The following COL4A4 variants were observed in gnomAD, a reference collection of about 807,000 sequenced individuals.
The protein encoded by COL4A4 is collagen alpha-4(IV) chain.
Under a neutral mutation model 192.9 loss-of-function variants are expected in COL4A4, and 105 were observed. The ratio of observed to expected loss-of-function variants is 0.54; its 90% CI spans 0.46 to 0.64. The LOEUF is 0.64. Among genes scored for constraint, COL4A4 ranks in the 30% least tolerant of loss-of-function variants. The pLI is 0.00. For synonymous variants in COL4A4, 762 were observed against 769.9 expected, an observed-to-expected ratio of 0.99 and a Z score of 0.17; for missense variants, 1,967 against 2,169.3, an observed-to-expected ratio of 0.91 and a Z score of 1.85.
chr2:227,055,853 C>T (rs1432229055), intron 30 of COL4A4, 92 bp downstream of exon 30: 1 of 1,165,408 alleles, frequency 8.6e-7, no homozygotes, highest in Non-Finnish European at 1.2e-6. Context: ...TAACAGTTAA[C>T]TCTTTTTGTG....
Position 227,152,997 on chromosome 2 carries a change from A to G in COL4A4, c.-101-5413T>C, listed in dbSNP as rs969601347. ...AATTGACTCACAGTTCCACATGGCT[A>G]GGGAGGCCTCACAATCATGATGGAA... On this transcript the variant is annotated intron_variant, in intron 1 of 47. Coordinates refer to ENST00000396625, the MANE Select transcript of COL4A4 (RefSeq NM_000092.5). Among the ~76,000 whole-genome samples the G allele has an allele frequency of 5.3e-5, 8 of 152,168 alleles. No homozygotes were observed. The South Asian group carries it at 1.7e-3, about 31-fold the overall frequency.
intron 19 of COL4A4, among the ~76,000 whole-genome samples, chr2:227,097,098 T>A (rs146649468): frequency 5.8e-4 from 89 of 152,302 alleles, no homozygotes; most frequent in African/African-American, 2.0e-3. Context: ...TAAGACCTGA[T>A]GTGGACTCAA....
intron 4 of COL4A4, among the ~76,000 whole-genome samples, chr2:227,130,544 C>T (rs977303838): frequency 6.6e-6 from 1 of 152,170 alleles, no homozygotes; most frequent in African/African-American, 2.4e-5. Flanking sequence ...TGTCTTGTGG[C>T]CCCCTCTTCC....
chr2:227,112,750 G>A (rs942261140), intron 8 of COL4A4, among the ~76,000 whole-genome samples: 1 of 152,076 alleles, frequency 6.6e-6, no homozygotes, highest in African/African-American at 2.4e-5. Flanking sequence ...GCAGCCACTG[G>A]CAACCACCCT....
chr2:227,082,034 T>G, intron 23 of COL4A4, 81 bp downstream of exon 23: 1 of 1,162,162 alleles, frequency 8.6e-7, no homozygotes, highest in South Asian at 1.2e-5. Context: ...TGATCTATGG[T>G]CACAGGGGAA....
Position 227,118,687 on chromosome 2 carries a change from C to G in COL4A4, c.447G>C (p.Gly149=). ...SGHNGSRGDP[G]FPGGRGALGP... is the part of the protein sequence containing the mutation. ...CAAGAGCTCCTCTTCCTCCTGGAAA[C>G]CCTGGGTCACCTCTTGAGCCATTGT... Residue 149 remains glycine (G), a synonymous_variant, in exon 7 of 48, where the codon GGG becomes GGC. Transcript: ENST00000396625. The G allele has an allele frequency of 6.2e-7, 1 of 1,614,110 alleles. No homozygotes were observed. Among genetic ancestry groups the G allele is most frequent in the Non-Finnish European group, 8.5e-7 (1 of 1,180,008 alleles).
intron 9 of COL4A4, among the ~76,000 whole-genome samples, chr2:227,110,556 T>A (rs2061136562): frequency 6.6e-6 from 1 of 152,024 alleles, no homozygotes. Context: ...CTAATTTTTG[T>A]ATTTTTAGTA....
intron 36 of COL4A4, 104 bp downstream of exon 36, chr2:227,042,973 G>T: frequency 1.2e-6 from 1 of 845,546 alleles, no homozygotes; most frequent in Non-Finnish European, 2.0e-6. Flanking sequence ...CTGGGAAATG[G>T]CAGAGCCATA....
intron 35 of COL4A4, among the ~76,000 whole-genome samples, chr2:227,047,112 C>A (rs922594212): frequency 2.0e-5 from 3 of 151,846 alleles, no homozygotes; most frequent in African/African-American, 7.3e-5. Context: ...GTGGTTATTG[C>A]GAATGCATCA....
At chr2:227,050,206 G>A in intron 33 of COL4A4, 75 bp from the exon 34 acceptor site, 2 of 1,353,096 alleles carry the variant, frequency 1.5e-6, no homozygotes, top group Non-Finnish European at 1.1e-6. Flanking sequence ...CGATCCAGTT[G>A]TAATTTTCTG....
chr2:226,983,192 AT>A, the COL4A4 span, among the ~76,000 whole-genome samples: 1 of 152,148 alleles, frequency 6.6e-6, no homozygotes, highest in South Asian at 2.1e-4. Context: ...AAAAATGCAC[AT>A]TTCTGGGTCC....
chr2:227,151,248 C>T (rs1286138252), intron 1 of COL4A4, among the ~76,000 whole-genome samples: 1 of 152,062 alleles, frequency 6.6e-6, no homozygotes, highest in Non-Finnish European at 1.5e-5. Context: ...ATGATTATGT[C>T]TCTAATTCTT....
At position 227,056,133 on chromosome 2, in the gene COL4A4, G is replaced by C. The variant is rs1299912418; in HGVS notation, c.2546-18C>G. ...TGGAGCACCTAAGACAAACCACAGT[G>C]ACCACAGTGTGTGAAGGCTGAACAC... On this transcript the variant is annotated intron_variant, in intron 29 of 47. Transcript: ENST00000396625. 4 of 1,613,122 alleles carry C rather than the reference G, an allele frequency of 2.5e-6. No individual in the cohort carries two copies. Among genetic ancestry groups the C allele is most frequent in the African/African-American group, 2.7e-5 (2 of 74,870 alleles).
In COL4A4 at chr2:227,064,934, G is replaced by A. The variant is rs2058203773; in HGVS notation, c.1988-2336C>T. ...CCAGTCTACAGCTCCCAGCGCGCGCGACGCAGAAGACGGGTGATTTCTGCA... is the reference window on the plus strand; with the variant it reads ...CCAGTCTACAGCTCCCAGCGCGCGCAACGCAGAAGACGGGTGATTTCTGCA... On this transcript the variant is annotated intron_variant, in intron 25 of 47. Coordinates refer to ENST00000396625, the MANE Select transcript of COL4A4 (RefSeq NM_000092.5). Among the ~76,000 whole-genome samples, 2 of 152,168 alleles carry A rather than the reference G, an allele frequency of 1.3e-5. 1 individual carries two copies. The highest frequency in any genetic ancestry group is 4.1e-4 in the South Asian group (2 of 4,830).
chr2:226,987,839 C>T, the COL4A4 span, among the ~76,000 whole-genome samples: 1 of 152,232 alleles, frequency 6.6e-6, no homozygotes, highest in Non-Finnish European at 1.5e-5. Flanking sequence ...CCAACCACCA[C>T]TTACTGCATC....
At chr2:227,094,523 TG>T (rs956486921) in intron 19 of COL4A4, among the ~76,000 whole-genome samples, 39 of 152,096 alleles carry the variant, frequency 2.6e-4, no homozygotes, top group African/African-American at 9.2e-4. Flanking sequence ...GAGAGTAGGA[TG>T]GTGGTTCCCA....
chr2:226,988,498 A>G, the COL4A4 span: 1 of 1,529,422 alleles, frequency 6.5e-7, no homozygotes, highest in African/African-American at 1.4e-5. Flanking sequence ...GCAAAGACTC[A>G]GGCCTTGCGA....
the COL4A4 span, among the ~76,000 whole-genome samples, chr2:226,974,272 C>T: frequency 6.9e-6 from 1 of 144,436 alleles, no homozygotes; most frequent in African/African-American, 2.6e-5. Context: ...GAGTCTCGCT[C>T]TGTCGCCCAG....
chr2:227,001,893 C>G (rs1961046106), downstream of COL4A4, among the ~76,000 whole-genome samples: 1 of 152,142 alleles, frequency 6.6e-6, no homozygotes, highest in Non-Finnish European at 1.5e-5. Flanking sequence ...AAGTCCAAGG[C>G]TGGGTGCAGT....
Sources: gnomAD v4.1 joint callset for allele counts (sites outside exome capture counted in the v4.1 genomes callset) on GRCh38, gnomAD v4.1.1 for gene constraint, MANE v1.5 for transcripts, NCBI Gene and HGNC (gene_info 2026-07-23, HGNC 2026-07-21) for gene names.